The following RTTN variants were observed in gnomAD, a reference collection of about 807,000 sequenced individuals.
The protein encoded by RTTN is rotatin.
RTTN carries 182 observed loss-of-function variants against 269.2 expected under a neutral mutation model. The ratio of observed to expected loss-of-function variants is 0.68; its 90% confidence interval spans 0.60 to 0.76. The LOEUF (loss-of-function observed/expected upper bound fraction) is 0.76. Ranked by LOEUF, RTTN falls within the 30% of genes least tolerant of loss-of-function variation. RTTN has a pLI of 0.00. For missense variants in RTTN, 2,545 were observed against 2,608.6 expected (o/e 0.98, Z 0.53); for synonymous variants, 1,006 against 963.5 (o/e 1.04, Z -0.82).
rs1050416151 is a variant in RTTN, at chr18:70,005,073, C to T, written c.6595+125G>A. ...TTTAAAAAATGATATAATTAAAGCACATACTGAATATTGGCACATTTTACA... is the reference window on the plus strand; with the variant it reads ...TTTAAAAAATGATATAATTAAAGCATATACTGAATATTGGCACATTTTACA... On this transcript the variant is annotated intron_variant, in intron 48 of 48. Coordinates refer to ENST00000640769, the MANE Select transcript of RTTN (RefSeq NM_173630.4). 1.1e-5 allele frequency: 6 copies of T among 558,526 alleles called. No individual in the cohort carries two copies. In the East Asian group the frequency reaches 1.5e-4, roughly 14 times the overall value. 34.6% of individuals were successfully genotyped at this position (558,526 alleles called of 1,614,324 possible).
At chr18:70,148,634 C>T (rs1006609959) in intron 17 of RTTN, among the ~76,000 whole-genome samples, 11 of 152,192 alleles carry the variant, frequency 7.2e-5, no homozygotes, top group African/African-American at 2.4e-4. Context: ...TCCAACTTGC[C>T]TAGGGCACTA....
chr18:70,088,265 T>C lies in RTTN; in HGVS notation c.4144-118A>G, dbSNP rs377718029. 9.8e-5 allele frequency: 90 copies of C among 916,592 alleles called. No individual in the cohort carries two copies. The South Asian group carries it at 1.7e-3, about 18-fold the overall frequency. 56.8% of individuals were successfully genotyped at this position (916,592 alleles called of 1,614,324 possible). A position where few individuals can be genotyped will look rare whatever the true frequency, so the allele number is the denominator to read the frequency against. On this transcript the variant is annotated intron_variant, in intron 30 of 48. Transcript: ENST00000640769. ...AAAAAATCCATTGGTTTTATGATCC[T>C]AAATTATAAGAGACACCTATAGAAG...
intron 26 of RTTN, among the ~76,000 whole-genome samples, chr18:70,117,318 A>G (rs1382847669): frequency 6.6e-6 from 1 of 152,038 alleles, no homozygotes; most frequent in Non-Finnish European, 1.5e-5. Flanking sequence ...ACTCACTTCA[A>G]AGGATAAACT....
chr18:70,133,212 C>T (rs2060040350), intron 23 of RTTN, among the ~76,000 whole-genome samples: 9 of 152,138 alleles, frequency 5.9e-5, no homozygotes, highest in Admixed American at 5.9e-4. Context: ...TCATTCTAAG[C>T]ATGACTACTG....
intron 14 of RTTN, among the ~76,000 whole-genome samples, chr18:70,156,730 C>A (rs112623921): frequency 2.6e-5 from 4 of 152,158 alleles, no homozygotes; most frequent in African/African-American, 9.7e-5. Context: ...ATTTCCCAAC[C>A]CAGCCGACAC....
At chr18:70,110,330 G>A (rs2059430914) in intron 27 of RTTN, among the ~76,000 whole-genome samples, 1 of 152,112 alleles carries the variant, frequency 6.6e-6, no homozygotes, top group African/African-American at 2.4e-5. Flanking sequence ...CGACGCAGAA[G>A]GCGGGTGATT....
At chr18:70,016,726 A>T (rs2056549924) in intron 46 of RTTN, among the ~76,000 whole-genome samples, 1 of 151,878 alleles carries the variant, frequency 6.6e-6, no homozygotes, top group Non-Finnish European at 1.5e-5. Context: ...TCACTGCACC[A>T]TCTGATCTCA....
intron 30 of RTTN, chr18:70,091,735 A>G (rs187909755): frequency 1.3e-3 from 203 of 155,466 alleles, no homozygotes; most frequent in Non-Finnish European, 2.3e-3. Flanking sequence ...ATAACTATGT[A>G]TATGTATATA....
chr18:70,185,500 T>G (rs967114032), intron 10 of RTTN, among the ~76,000 whole-genome samples: 7 of 152,174 alleles, frequency 4.6e-5, no homozygotes, highest in African/African-American at 1.4e-4. Flanking sequence ...TAAAGGCATC[T>G]ACAAAATACA....
intron 1 of RTTN, 130 bp from the exon 2 acceptor site, chr18:70,205,445 C>T (rs1600105478): frequency 7.2e-7 from 1 of 1,381,116 alleles, no homozygotes; most frequent in Admixed American, 1.9e-5. Flanking sequence ...CTGGTGCCTT[C>T]GGGACGCGAA....
rs779731723 is a variant in RTTN at position 70,199,400 on chromosome 18, A to G, written c.578+14T>C. On this transcript the variant is annotated intron_variant, in intron 5 of 48. Transcript: ENST00000640769. ...AGTGAACAAAAATACCTGAAAATACATCAAGCACCGTACCTTTCATTAGAG... is the reference window on the plus strand; with the variant it reads ...AGTGAACAAAAATACCTGAAAATACGTCAAGCACCGTACCTTTCATTAGAG... 6.4e-7 allele frequency: 1 copy of G among 1,563,888 alleles called. No individual in the cohort carries two copies. The highest frequency in any genetic ancestry group is 1.1e-5 in the South Asian group (1 of 89,734).
intron 14 of RTTN, among the ~76,000 whole-genome samples, chr18:70,158,524 T>C (rs543706754): frequency 4.8e-4 from 73 of 152,264 alleles, no homozygotes; most frequent in Non-Finnish European, 9.1e-4. Context: ...GACACTATGA[T>C]GCAACTATAC....
chr18:70,128,363 C>T lies in RTTN; in HGVS notation c.3138G>A (p.Thr1046=), dbSNP rs992570865. 10 of 1,609,706 alleles carry T rather than the reference C, an allele frequency of 6.2e-6. No individual in the cohort carries two copies. The highest frequency in any genetic ancestry group is 1.3e-5 in the African/African-American group (1 of 74,772). The change falls in exon 24 of 49, where the codon ACG becomes ACA. Residue 1046 remains threonine, a synonymous_variant. Transcript: ENST00000640769. ...LLKQMNSETK[T]QEILDALKLS... is the part of the protein sequence containing the mutation. ...AAACTAATATAAGAGCTTACTCTTG[C>T]GTTTTAGTTTCAGAGTTCATTTGCT... is the stretch of plus-strand genomic sequence containing the variant.
intron 14 of RTTN, among the ~76,000 whole-genome samples, chr18:70,152,679 C>G (rs958594332): frequency 4.6e-5 from 7 of 152,134 alleles, no homozygotes; most frequent in Non-Finnish European, 1.0e-4. Flanking sequence ...TGATCACTCT[C>G]TATCTCCTAC....
chr18:70,174,688 TG>T (rs2061240401), intron 11 of RTTN, among the ~76,000 whole-genome samples: 2 of 148,774 alleles, frequency 1.3e-5, no homozygotes, highest in Non-Finnish European at 1.5e-5. Context: ...AAATGGAAAA[TG>T]TATGTTAGAT....
rs929756619 is a variant in RTTN, at chr18:70,005,531, C to T, written c.6526-264G>A. ...TCCCTTCTCTTTTACTCCTTCTCCC[C>T]TAATCTCAATTTGCTATTTTAAACT... On this transcript the variant is annotated intron_variant, in intron 47 of 48. Coordinates refer to ENST00000640769, the MANE Select transcript of RTTN (RefSeq NM_173630.4). 7 of 316,690 alleles carry T rather than the reference C, an allele frequency of 2.2e-5. No homozygotes were observed. In the East Asian group the frequency reaches 3.5e-4, roughly 16 times the overall value. The allele number at this position is 316,690 out of a possible 1,614,324, so 19.6% of individuals were successfully genotyped here.
At chr18:70,071,625 G>A (rs2058298312) in intron 34 of RTTN, among the ~76,000 whole-genome samples, 1 of 152,154 alleles carries the variant, frequency 6.6e-6, no homozygotes, top group South Asian at 2.1e-4. Context: ...TTACAAGGGC[G>A]ATGCCCCAAA....
chr18:70,121,906 A>C (rs531932372), intron 25 of RTTN, among the ~76,000 whole-genome samples: 1 of 152,322 alleles, frequency 6.6e-6, no homozygotes, highest in South Asian at 2.1e-4. Context: ...AAACATGTGG[A>C]CAAGTAACTA....
In RTTN at chr18:70,060,009, T is replaced by C; in HGVS notation, c.4781A>G (p.His1594Arg). The C allele has an allele frequency of 6.2e-7, 1 of 1,612,848 alleles. No homozygotes were observed. Among genetic ancestry groups the C allele is most frequent in the Non-Finnish European group, 8.5e-7 (1 of 1,179,344 alleles). The stretch of plus-strand genomic sequence containing the variant: ...CAGGGGAGCAGAAAGAGATGAATCA[T>C]GAGGTGGCCGTGGTGATGTACTTTC... ...HQESTSPRPP[H>R]DSSLSAPLPK... Residue 1594 changes from histidine to arginine, a missense_variant, in exon 36 of 49, where the codon CAT becomes CGT. Transcript: ENST00000640769.
Sources: gnomAD v4.1 joint callset for allele counts (sites outside exome capture counted in the v4.1 genomes callset) on GRCh38, gnomAD v4.1.1 for gene constraint, MANE v1.5 for transcripts, NCBI Gene and HGNC (gene_info 2026-07-23, HGNC 2026-07-21) for gene names.